The following DAB1 variants were observed in gnomAD, a reference collection of about 807,000 sequenced individuals.
The protein encoded by DAB1 is DAB adaptor protein 1.
Under a neutral mutation model 64.6 loss-of-function variants are expected in DAB1, and 15 were observed. The observed-to-expected ratio is 0.23, with a 90% CI of 0.16 to 0.36. The LOEUF is 0.36. Among genes scored for constraint, DAB1 ranks in the 10% least tolerant of loss-of-function variants. DAB1 has a pLI of 1.00. For synonymous variants in DAB1, 235 were observed against 251.9 expected (o/e 0.93, Z 0.64); for missense variants, 596 against 706.7 (o/e 0.84, Z 1.78).
At chr1:57,943,602 A>G (rs1254291114) in intron 5 of DAB1, among the ~76,000 whole-genome samples, 2 of 152,322 alleles carry the variant, frequency 1.3e-5, no homozygotes, top group East Asian at 3.9e-4. Context: ...GTCATTTACC[A>G]TCAGGAATAT....
chr1:58,451,772 A>G (rs1645139232), intron 3 of DAB1, among the ~76,000 whole-genome samples: 1 of 152,238 alleles, frequency 6.6e-6, no homozygotes, highest in Admixed American at 6.5e-5. Context: ...AGTTAATGAT[A>G]AATGGAGCAA....
intron 2 of DAB1, among the ~76,000 whole-genome samples, chr1:57,203,565 G>A (rs1665282971): frequency 6.6e-6 from 1 of 152,310 alleles, no homozygotes; most frequent in East Asian, 1.9e-4. Context: ...AAGCCCACCT[G>A]GATTAGGCTC....
chr1:57,763,449 A>G (rs1649171984), intron 6 of DAB1, among the ~76,000 whole-genome samples: 1 of 152,166 alleles, frequency 6.6e-6, no homozygotes, highest in Non-Finnish European at 1.5e-5. Flanking sequence ...GGGCTGAGGC[A>G]GGAGGATCAC....
At chr1:58,023,282 C>G (rs1646840652) in intron 5 of DAB1, among the ~76,000 whole-genome samples, 1 of 152,200 alleles carries the variant, frequency 6.6e-6, no homozygotes, top group African/African-American at 2.4e-5. Flanking sequence ...CACCCCCAGC[C>G]CACAGCCAGA....
At chr1:57,818,692 T>C (rs1376904754) in intron 6 of DAB1, among the ~76,000 whole-genome samples, 1 of 151,520 alleles carries the variant, frequency 6.6e-6, no homozygotes, top group Admixed American at 6.6e-5. Flanking sequence ...ACCCAGCTAG[T>C]ATGTGATGTA....
rs72664661 is a variant in DAB1, at chr1:57,775,796, A to G, written n.551+108203T>C. On this transcript the variant is annotated intron_variant and non_coding_transcript_variant, in intron 6 of 20. Coordinates refer to the DAB1 transcript ENST00000485760. ...TATCTTTTCAATTACTGAGAGAAGA[A>G]ATGTTATAATTTCACAATTTAACGG... Among the ~76,000 whole-genome samples the G allele has an allele frequency of 9.8e-3, 1,491 of 151,766 alleles. 11 individuals are homozygous for G. The highest frequency in any genetic ancestry group is 0.014 in the Non-Finnish European group (946 of 67,654).
intron 4 of DAB1, among the ~76,000 whole-genome samples, chr1:58,220,048 T>C (rs935576340): frequency 6.6e-6 from 1 of 152,254 alleles, no homozygotes; most frequent in Admixed American, 6.5e-5. Flanking sequence ...GAAGTGACAC[T>C]GCCTGACCAG....
chr1:58,246,501 A>G (rs1356575634), intron 4 of DAB1, among the ~76,000 whole-genome samples: 1 of 152,238 alleles, frequency 6.6e-6, no homozygotes, highest in Non-Finnish European at 1.5e-5. Flanking sequence ...CCAAACAGGG[A>G]GTGAAAGTAG....
At chr1:57,479,160 T>A (rs1643979578) in intron 7 of DAB1, among the ~76,000 whole-genome samples, 1 of 152,116 alleles carries the variant, frequency 6.6e-6, no homozygotes, top group Non-Finnish European at 1.5e-5. Flanking sequence ...ATAAATAAGC[T>A]GCCTAATAAA....
At chr1:58,065,204 A>C (rs1157822901) in intron 5 of DAB1, among the ~76,000 whole-genome samples, 1 of 152,176 alleles carries the variant, frequency 6.6e-6, no homozygotes, top group Non-Finnish European at 1.5e-5. Flanking sequence ...AGGATTTAAA[A>C]GCTTGGGCAA....
chr1:57,308,038 G>A (rs1431344918), intron 1 of DAB1, among the ~76,000 whole-genome samples: 1 of 152,126 alleles, frequency 6.6e-6, no homozygotes, highest in Non-Finnish European at 1.5e-5. Flanking sequence ...TCTCTGGAGG[G>A]AACTTTAACC....
At chr1:57,900,714 T>G (rs1224876661) in intron 5 of DAB1, among the ~76,000 whole-genome samples, 1 of 152,206 alleles carries the variant, frequency 6.6e-6, no homozygotes, top group Non-Finnish European at 1.5e-5. Flanking sequence ...TATTTCTGTT[T>G]ATGATGGGTC....
chr1:57,373,801 C>T (rs774647545), intron 1 of DAB1, among the ~76,000 whole-genome samples: 2 of 152,110 alleles, frequency 1.3e-5, no homozygotes, highest in Admixed American at 6.6e-5. Context: ...ACATAATCGC[C>T]GGGTTCTTAT....
intron 11 of DAB1, among the ~76,000 whole-genome samples, chr1:57,016,875 G>A (rs925378250): frequency 6.6e-6 from 1 of 152,072 alleles, no homozygotes; most frequent in African/African-American, 2.4e-5. Flanking sequence ...ACGAAATCCC[G>A]GCAGGGTAGG....
At chr1:57,437,180 A>G (rs1685729401) in intron 7 of DAB1, among the ~76,000 whole-genome samples, 1 of 152,184 alleles carries the variant, frequency 6.6e-6, no homozygotes, top group Non-Finnish European at 1.5e-5. Flanking sequence ...ACTTCTTCCA[A>G]ACCTTGATAT....
chr1:58,208,332 G>A (rs1042827003), intron 4 of DAB1, among the ~76,000 whole-genome samples: 2 of 152,128 alleles, frequency 1.3e-5, no homozygotes, highest in African/African-American at 4.8e-5. Flanking sequence ...GAAACAGGTG[G>A]TGTCTGGTTA....
chr1:57,883,965 C>G (rs540458579), intron 1 of DAB1: 1 of 152,290 alleles, frequency 6.6e-6, no homozygotes, highest in African/African-American at 2.4e-5. Context: ...ATGATTGGAA[C>G]TGTTTTCATG....
intron 7 of DAB1, among the ~76,000 whole-genome samples, chr1:57,471,414 T>G (rs1053840805): frequency 6.6e-6 from 1 of 152,172 alleles, no homozygotes; most frequent in Non-Finnish European, 1.5e-5. Context: ...TTCATAATTG[T>G]GGGATAATAT....
chr1:57,539,284 T>A (rs1344393085), intron 7 of DAB1, among the ~76,000 whole-genome samples: 1 of 152,184 alleles, frequency 6.6e-6, no homozygotes, highest in Admixed American at 6.5e-5. Context: ...TGAATAAAAA[T>A]TACTGCTTTA....
Sources: gnomAD v4.1 joint callset for allele counts (sites outside exome capture counted in the v4.1 genomes callset) on GRCh38, gnomAD v4.1.1 for gene constraint, MANE v1.5 for transcripts, NCBI Gene and HGNC (gene_info 2026-07-23, HGNC 2026-07-21) for gene names.